PLCB1: variants seen among roughly 807,000 people sequenced by gnomAD.
The protein encoded by PLCB1 is phospholipase C beta 1.
Under a neutral mutation model 161.8 loss-of-function variants are expected in PLCB1, and 46 were observed. That is an observed-to-expected ratio of 0.28 (90% CI 0.22 to 0.36). The LOEUF (loss-of-function observed/expected upper bound fraction) is 0.36. Ranked by LOEUF, PLCB1 falls within the 10% of genes least tolerant of loss-of-function variation. The probability of loss-of-function intolerance (pLI) is 1.00; values close to 1 mark genes in which losing one functional copy is unlikely to be tolerated. For synonymous variants in PLCB1, 517 were observed against 503.7 expected, an observed-to-expected ratio of 1.03 and a Z score of -0.35; for missense variants, 1,016 against 1,472.5, an observed-to-expected ratio of 0.69 and a Z score of 5.07.
chr20:8,343,936 G>A (rs1985902977), intron 2 of PLCB1, among the ~76,000 whole-genome samples: 1 of 152,166 alleles, frequency 6.6e-6, no homozygotes, highest in African/African-American at 2.4e-5. Flanking sequence ...ATTGGCTGAC[G>A]TACTCGTTGA....
At chr20:8,733,975 A>AC (rs1555786783) in intron 19 of PLCB1, among the ~76,000 whole-genome samples, 58 of 147,548 alleles carry the variant, frequency 3.9e-4, no homozygotes, top group African/African-American at 1.3e-3. Flanking sequence ...ACAAAAAAAA[A>AC]CAATTAGCCG....
chr20:8,830,612 C>T (rs532468431), intron 31 of PLCB1, among the ~76,000 whole-genome samples: 47 of 152,238 alleles, frequency 3.1e-4, no homozygotes, highest in African/African-American at 1.1e-3. Flanking sequence ...ACCACCCACC[C>T]ATTACTTCAT....
chr20:8,320,817 G>A (rs543204737), intron 2 of PLCB1, among the ~76,000 whole-genome samples: 1 of 140,224 alleles, frequency 7.1e-6, no homozygotes, highest in South Asian at 2.5e-4. Flanking sequence ...AAGAAAGAAA[G>A]GGAGGGAGGG....
At chr20:8,600,404 G>A (rs1394808223) in intron 3 of PLCB1, among the ~76,000 whole-genome samples, 7 of 136,762 alleles carry the variant, frequency 5.1e-5, no homozygotes, top group Non-Finnish European at 6.4e-5. Context: ...CTCCCAGTTA[G>A]GCTGCTCGGG....
chr20:8,627,888 C>G (rs777292316), intron 3 of PLCB1, among the ~76,000 whole-genome samples: 1 of 152,194 alleles, frequency 6.6e-6, no homozygotes, highest in East Asian at 1.9e-4. Context: ...CCTAGTCCTA[C>G]GTAGGCATTG....
At chr20:8,855,538 C>T (rs1390686784) in intron 31 of PLCB1, among the ~76,000 whole-genome samples, 1 of 152,146 alleles carries the variant, frequency 6.6e-6, no homozygotes. Flanking sequence ...TTTCTAATTT[C>T]CCCATTCACA....
At chr20:8,647,764 C>A in intron 5 of PLCB1, 136 bp from the exon 6 acceptor site, 3 of 669,252 alleles carry the variant, frequency 4.5e-6, no homozygotes, top group South Asian at 3.4e-5. Context: ...TGGGTGCCAA[C>A]TGTGGAGACT....
At chr20:8,458,965 A>G (rs1981450021) in intron 3 of PLCB1, among the ~76,000 whole-genome samples, 1 of 152,234 alleles carries the variant, frequency 6.6e-6, no homozygotes, top group Admixed American at 6.5e-5. Flanking sequence ...GAAGAATAAA[A>G]TGTGAATTGC....
At chr20:8,220,890 G>C (rs762025253) in intron 2 of PLCB1, among the ~76,000 whole-genome samples, 90 of 152,264 alleles carry the variant, frequency 5.9e-4, no homozygotes, top group Non-Finnish European at 1.1e-3. Context: ...TCGTGTCCTG[G>C]CATCAGTACA....
At chr20:8,455,582 C>CG (rs1981278111) in intron 3 of PLCB1, among the ~76,000 whole-genome samples, 1 of 150,930 alleles carries the variant, frequency 6.6e-6, no homozygotes. Context: ...CTGGGACTAC[C>CG]GGCACCCGCC....
At chr20:8,507,034 C>A (rs978304064) in intron 3 of PLCB1, among the ~76,000 whole-genome samples, 3 of 152,060 alleles carry the variant, frequency 2.0e-5, no homozygotes, top group Non-Finnish European at 4.4e-5. Flanking sequence ...ATAACATAGT[C>A]AATTAACACA....
chr20:8,349,259 A>G (rs774575833), intron 2 of PLCB1, among the ~76,000 whole-genome samples: 1 of 152,204 alleles, frequency 6.6e-6, no homozygotes, highest in African/African-American at 2.4e-5. Context: ...ACAGGTGACA[A>G]GAAGAGGAAA....
At chr20:8,578,255 G>T (rs370234574) in intron 3 of PLCB1, among the ~76,000 whole-genome samples, 3 of 152,164 alleles carry the variant, frequency 2.0e-5, no homozygotes, top group East Asian at 1.9e-4. Context: ...TCCTTTGGAT[G>T]GGCATGAGAT....
intron 2 of PLCB1, among the ~76,000 whole-genome samples, chr20:8,225,204 A>G (rs891732881): frequency 2.6e-5 from 4 of 152,196 alleles, no homozygotes; most frequent in Admixed American, 6.5e-5. Context: ...AACAGTAATT[A>G]CATGTTTTCA....
At chr20:8,424,264 G>A (rs1979653372) in intron 3 of PLCB1, among the ~76,000 whole-genome samples, 1 of 152,108 alleles carries the variant, frequency 6.6e-6, no homozygotes, top group Non-Finnish European at 1.5e-5. Flanking sequence ...AATATGTTGT[G>A]GTGAAGATTC....
chr20:8,722,222 GA>G (rs1433950760), intron 14 of PLCB1, 131 bp from the exon 15 acceptor site: 14 of 604,100 alleles, frequency 2.3e-5, no homozygotes, highest in Non-Finnish European at 1.9e-5. Context: ...TTAAATCCTT[GA>G]AAAAAATAAT....
rs117500942 is a variant in PLCB1, at chr20:8,534,715, G to A, written c.247-93579G>A. On this transcript the variant is annotated intron_variant, in intron 3 of 31. Coordinates refer to ENST00000338037, the MANE Select transcript of PLCB1 (RefSeq NM_015192.4). Reference sequence around the variant, plus strand: ...TTCTTTATTCTATTCCTGATACAAAGCAACTGAGATATGCGTTTCTCTTTG... The same window carrying A: ...TTCTTTATTCTATTCCTGATACAAAACAACTGAGATATGCGTTTCTCTTTG... Among the ~76,000 whole-genome samples, 81 of 152,250 alleles carry A rather than the reference G, an allele frequency of 5.3e-4. No homozygotes were observed. The East Asian group carries it at 0.014, about 27-fold the overall frequency.
chr20:8,315,661 T>G (rs1342201383), intron 2 of PLCB1, among the ~76,000 whole-genome samples: 2 of 152,200 alleles, frequency 1.3e-5, no homozygotes, highest in African/African-American at 2.4e-5. Context: ...GTCTGTAATT[T>G]TGTCACCTTA....
At chr20:8,308,647 A>T (rs547117257) in intron 2 of PLCB1, among the ~76,000 whole-genome samples, 1 of 150,410 alleles carries the variant, frequency 6.6e-6, no homozygotes, top group African/African-American at 2.4e-5. Flanking sequence ...AAAAAGGACA[A>T]CTATGAATGT....
Sources: allele counts gnomAD v4.1 joint callset (sites outside exome capture counted in the v4.1 genomes callset), GRCh38; gene constraint gnomAD v4.1.1; transcripts MANE v1.5; gene names NCBI Gene and HGNC (gene_info 2026-07-23, HGNC 2026-07-21).